HDAC4: variants seen among roughly 807,000 people sequenced by gnomAD.
The protein encoded by HDAC4 is histone deacetylase A.
Under a neutral mutation model 135.1 loss-of-function variants are expected in HDAC4, and 16 were observed. That is an observed-to-expected ratio of 0.12 (90% CI 0.08 to 0.18). The LOEUF is 0.18. Ranked by LOEUF, HDAC4 falls within the 10% of genes least tolerant of loss-of-function variation. The pLI is 1.00. For synonymous variants in HDAC4, 685 were observed against 653.4 expected, an observed-to-expected ratio of 1.05 and a Z score of -0.74; for missense variants, 1,143 against 1,511.8, an observed-to-expected ratio of 0.76 and a Z score of 4.05.
chr2:239,253,152 A>G (rs555976361), intron 2 of HDAC4, among the ~76,000 whole-genome samples: 207 of 152,380 alleles, frequency 1.4e-3, no homozygotes, highest in Non-Finnish European at 2.5e-3. Flanking sequence ...CTATCACTCA[A>G]CGTGCAACTC....
chr2:239,299,568 T>C lies in HDAC4; in HGVS notation c.22+53110A>G, dbSNP rs977511087. Among the ~76,000 whole-genome samples the C allele has an allele frequency of 6.6e-6, 1 of 152,250 alleles. No homozygotes were observed. Among genetic ancestry groups the C allele is most frequent in the Non-Finnish European group, 1.5e-5 (1 of 68,040 alleles). On this transcript the variant is annotated intron_variant, in intron 2 of 26. Coordinates refer to ENST00000543185, the MANE Select transcript of HDAC4 (RefSeq NM_001378414.1). The surrounding 1 kb of genome is among the most constrained non-coding windows in gnomAD (Gnocchi z 4.0). ...GAGGGCAGCGACACGTGCTTATTTG[T>C]ATTAATGTTTAACAGACTAAGGGCC...
chr2:239,110,748 C>T (rs951758850), intron 14 of HDAC4, among the ~76,000 whole-genome samples: 24 of 152,232 alleles, frequency 1.6e-4, no homozygotes, highest in African/African-American at 4.1e-4. Flanking sequence ...ACATGAAGAG[C>T]GCTCCTGCCT....
intron 2 of HDAC4, among the ~76,000 whole-genome samples, chr2:239,270,650 C>G (rs2050008655): frequency 6.6e-6 from 1 of 152,226 alleles, no homozygotes; most frequent in East Asian, 1.9e-4. Flanking sequence ...GTGCTACTTG[C>G]ATTCAGCATT....
At chr2:239,248,520 T>C (rs2048600385) in intron 2 of HDAC4, among the ~76,000 whole-genome samples, 1 of 152,194 alleles carries the variant, frequency 6.6e-6, no homozygotes, top group Non-Finnish European at 1.5e-5. Context: ...CTCAATTCAC[T>C]GAAAATGTAT....
chr2:239,385,510 C>A (rs1225097350), intron 1 of HDAC4, among the ~76,000 whole-genome samples: 2,583 of 152,312 alleles, frequency 0.017, 74 homozygotes, highest in African/African-American at 0.059. Context: ...AATGAGTGGC[C>A]ACAGGGGCCC....
At chr2:239,279,969 G>A (rs1023850908) in intron 2 of HDAC4, among the ~76,000 whole-genome samples, 6 of 152,126 alleles carry the variant, frequency 3.9e-5, no homozygotes, top group Admixed American at 2.0e-4. Flanking sequence ...CAGAAAGTGC[G>A]GATCCCACCT....
intron 3 of HDAC4, among the ~76,000 whole-genome samples, chr2:239,205,905 G>C (rs1237624729): frequency 6.6e-6 from 1 of 152,176 alleles, no homozygotes; most frequent in Non-Finnish European, 1.5e-5. Context: ...GACATTTTAA[G>C]CTCATGCAGT....
intron 3 of HDAC4, among the ~76,000 whole-genome samples, chr2:239,206,091 G>A (rs2046029012): frequency 6.6e-6 from 1 of 152,202 alleles, no homozygotes; most frequent in African/African-American, 2.4e-5. Flanking sequence ...ACTTTGGGAG[G>A]CTGAGGCAGG....
At chr2:239,156,388 A>T (rs1343479510) in intron 7 of HDAC4, among the ~76,000 whole-genome samples, 1 of 152,242 alleles carries the variant, frequency 6.6e-6, no homozygotes, top group Non-Finnish European at 1.5e-5. Flanking sequence ...ACCGAAAGAA[A>T]ACTAAACTGA....
intron 2 of HDAC4, among the ~76,000 whole-genome samples, chr2:239,251,514 G>C (rs1313013604): frequency 6.6e-6 from 1 of 152,092 alleles, no homozygotes; most frequent in Non-Finnish European, 1.5e-5. Context: ...AGGATCTCTC[G>C]AGCAAGATCA....
chr2:239,330,009 G>A (rs1222086355), intron 2 of HDAC4, among the ~76,000 whole-genome samples: 1 of 152,228 alleles, frequency 6.6e-6, no homozygotes, highest in Non-Finnish European at 1.5e-5. Flanking sequence ...AAGCTGGAGA[G>A]GAGCTGCTGG....
At chr2:239,249,689 C>T (rs78983413) in intron 2 of HDAC4, among the ~76,000 whole-genome samples, 4,620 of 152,056 alleles carry the variant, frequency 0.03, 243 homozygotes, top group African/African-American at 0.11. Context: ...TTACTCTACC[C>T]GAAATCTCAC....
intron 3 of HDAC4, among the ~76,000 whole-genome samples, chr2:239,221,365 C>T (rs1423758461): frequency 2.0e-5 from 3 of 152,058 alleles, no homozygotes; most frequent in Non-Finnish European, 2.9e-5. Context: ...AAAAAAAAAT[C>T]ACAGCTCCAA....
In HDAC4 at chr2:239,204,478, C is replaced by T. The variant is rs374545006; in HGVS notation, c.95-14401G>A. ...CGGCAGGTAGCTGGCAGGCAGGCTG[C>T]GATGGGCCCAGGGAAATGGGCAGAG... On this transcript the variant is annotated intron_variant, in intron 3 of 26. Transcript: ENST00000543185. 3.3e-5 allele frequency among the ~76,000 whole-genome samples: 5 copies of T among 152,322 alleles called. No individual in the cohort carries two copies. In the East Asian group the frequency reaches 9.7e-4, roughly 29 times the overall value.
chr2:239,335,274 A>C (rs1691854009), intron 2 of HDAC4, among the ~76,000 whole-genome samples: 1 of 152,048 alleles, frequency 6.6e-6, no homozygotes, highest in Non-Finnish European at 1.5e-5. Flanking sequence ...ATTGGATAGC[A>C]GAGAAGAAAG....
chr2:239,244,533 T>C (rs2048364003), intron 2 of HDAC4, among the ~76,000 whole-genome samples: 1 of 152,224 alleles, frequency 6.6e-6, no homozygotes, highest in Non-Finnish European at 1.5e-5. Flanking sequence ...CTCTAACCTG[T>C]GTGACCAGAG....
chr2:239,382,947 C>T (rs1002096278), intron 1 of HDAC4, among the ~76,000 whole-genome samples: 3 of 152,056 alleles, frequency 2.0e-5, no homozygotes, highest in Non-Finnish European at 4.4e-5. Flanking sequence ...CCAGGCTGGT[C>T]GTGAACTCCT....
At position 239,285,070 on chromosome 2, in the gene HDAC4, T is replaced by C. The variant is rs1007605464; in HGVS notation, c.23-48406A>G. ...CAGTCTACCAAGCCATCAAATAAAA[T>C]ACATCCCACCCCACACCTAGACAAT... On this transcript the variant is annotated intron_variant, in intron 2 of 26. Transcript: ENST00000543185. This position sits in a 1 kb window ranked among gnomAD's most constrained non-coding sequence, Gnocchi z 4.5. 5.3e-5 allele frequency among the ~76,000 whole-genome samples: 8 copies of C among 152,096 alleles called. No homozygotes were observed. Among genetic ancestry groups the C allele is most frequent in the Non-Finnish European group, 1.0e-4 (7 of 68,016 alleles).
chr2:239,341,364 T>C (rs970880869), intron 2 of HDAC4, among the ~76,000 whole-genome samples: 4 of 152,226 alleles, frequency 2.6e-5, no homozygotes, highest in Admixed American at 6.5e-5. Context: ...GTTTGTGTTG[T>C]GCAGTGTCAG....
Sources: allele counts gnomAD v4.1 joint callset (sites outside exome capture counted in the v4.1 genomes callset), GRCh38; gene constraint gnomAD v4.1.1; non-coding constraint Gnocchi (gnomAD v3.1); transcripts MANE v1.5; gene names NCBI Gene and HGNC (gene_info 2026-07-23, HGNC 2026-07-21).